The following DIAPH2 variants were observed in gnomAD, a reference collection of about 807,000 sequenced individuals.
The protein encoded by DIAPH2 is protein diaphanous homolog 2.
Under a neutral mutation model 92.7 loss-of-function variants are expected in DIAPH2, and 35 were observed. The observed-to-expected ratio is 0.38, with a 90% CI of 0.29 to 0.50. The LOEUF is 0.50. Among genes scored for constraint, DIAPH2 ranks in the 20% least tolerant of loss-of-function variants. The probability of loss-of-function intolerance (pLI) is 0.94; values close to 1 mark genes in which losing one functional copy is unlikely to be tolerated. For synonymous variants in DIAPH2, 301 were observed against 280.4 expected (o/e 1.07, Z -0.73); for missense variants, 701 against 819.5 (o/e 0.86, Z 1.77).
chrX:97,370,443 G>C (rs1438707541), intron 24 of DIAPH2, among the ~76,000 whole-genome samples: 1 of 111,966 alleles, frequency 8.9e-6, no homozygotes, highest in Non-Finnish European at 1.9e-5. Flanking sequence ...ACTGGAAAAA[G>C]ATTCTTGATT....
At chrX:97,357,564 T>C (rs909476178) in intron 24 of DIAPH2, among the ~76,000 whole-genome samples, 8 of 109,561 alleles carry the variant, frequency 7.3e-5, no homozygotes, top group African/African-American at 2.7e-4. Flanking sequence ...TTCTCTGTGC[T>C]CTCATACCTC....
chrX:96,712,396 A>T (rs900384854), intron 1 of DIAPH2, among the ~76,000 whole-genome samples: 6 of 110,891 alleles, frequency 5.4e-5, no homozygotes, highest in African/African-American at 1.6e-4. Context: ...ATATGTACAT[A>T]ATTAAAGTTA....
chrX:97,088,200 C>T (rs1303957402), intron 19 of DIAPH2, among the ~76,000 whole-genome samples: 1 of 111,924 alleles, frequency 8.9e-6, no homozygotes, highest in Non-Finnish European at 1.9e-5. Flanking sequence ...CATTACGTTA[C>T]TTACATTTGC....
intron 24 of DIAPH2, among the ~76,000 whole-genome samples, chrX:97,359,726 T>C (rs1330676420): frequency 1.8e-5 from 2 of 108,370 alleles, no homozygotes; most frequent in Non-Finnish European, 3.8e-5. Context: ...TACAGGCACC[T>C]GCCACCACGC....
chrX:97,373,182 C>G (rs766431628), intron 24 of DIAPH2, among the ~76,000 whole-genome samples: 6 of 111,477 alleles, frequency 5.4e-5, no homozygotes, highest in South Asian at 3.8e-4. Context: ...TATCGGGCCT[C>G]TGAAACGCTA....
chrX:97,066,036 AAAC>A lies in DIAPH2; in HGVS notation c.2051-6902_2051-6900del, dbSNP rs200262808. Among the ~76,000 whole-genome samples the A allele has an allele frequency of 6.2e-3, 695 of 112,316 alleles. 4 individuals carry two copies. Among genetic ancestry groups the A allele is most frequent in the African/African-American group, 0.022 (669 of 30,740 alleles). ...ATTACAAGAGTCAAAAGTTTAAAAA[AAAC>A]AAAAAGTTTATAATTACTATAAGCT... On this transcript the variant is annotated intron_variant, in intron 17 of 26. Transcript: ENST00000324765.
At chrX:97,555,155 CATT>C (rs2147865696) in intron 26 of DIAPH2, among the ~76,000 whole-genome samples, 1 of 110,591 alleles carries the variant, frequency 9.0e-6, no homozygotes, top group African/African-American at 3.3e-5. Context: ...GTGTCTGCAT[CATT>C]AATATATTTC....
At chrX:97,211,753 T>G (rs1334826021) in intron 22 of DIAPH2, among the ~76,000 whole-genome samples, 4 of 111,563 alleles carry the variant, frequency 3.6e-5, no homozygotes, top group Admixed American at 9.6e-5. Context: ...TACAGCATAT[T>G]AAAGAGCTGC....
chrX:97,514,947 T>G (rs1278938544), intron 26 of DIAPH2, among the ~76,000 whole-genome samples: 1 of 110,710 alleles, frequency 9.0e-6, no homozygotes, highest in Non-Finnish European at 1.9e-5. Flanking sequence ...TCTGCAGAGG[T>G]TACTGCTGTC....
At chrX:97,063,641 T>C (rs2066615430) in intron 17 of DIAPH2, among the ~76,000 whole-genome samples, 2 of 112,114 alleles carry the variant, frequency 1.8e-5, no homozygotes, top group African/African-American at 6.5e-5. Context: ...TAAATGTGTT[T>C]GATTATGTGT....
intron 24 of DIAPH2, among the ~76,000 whole-genome samples, chrX:97,352,688 T>G (rs1165971720): frequency 9.4e-6 from 1 of 106,240 alleles, no homozygotes; most frequent in African/African-American, 3.4e-5. Flanking sequence ...GCTAACACGG[T>G]GAAACCCCGT....
At chrX:97,265,512 C>A (rs1223354887) in intron 23 of DIAPH2, among the ~76,000 whole-genome samples, 1 of 111,456 alleles carries the variant, frequency 9.0e-6, no homozygotes. Flanking sequence ...GACTGGGGAG[C>A]CACTTTAGGT....
At chrX:97,213,011 T>C (rs1437729066) in intron 22 of DIAPH2, among the ~76,000 whole-genome samples, 2 of 111,977 alleles carry the variant, frequency 1.8e-5, no homozygotes, top group Admixed American at 9.5e-5. Flanking sequence ...GAATGGATGA[T>C]ATGTGTAGAA....
At chrX:96,751,402 C>A (rs2064186418) in intron 3 of DIAPH2, among the ~76,000 whole-genome samples, 1 of 106,116 alleles carries the variant, frequency 9.4e-6, no homozygotes, top group Non-Finnish European at 1.9e-5. Flanking sequence ...CGGTGAAACC[C>A]AGTCTCTACT....
chrX:97,574,654 A>G (rs1262023269), intron 26 of DIAPH2, among the ~76,000 whole-genome samples: 1 of 111,858 alleles, frequency 8.9e-6, no homozygotes, highest in Non-Finnish European at 1.9e-5. Context: ...CAATAGGAGA[A>G]CACAGTATAT....
At chrX:97,001,539 G>A (rs1311200209) in intron 17 of DIAPH2, among the ~76,000 whole-genome samples, 2 of 110,701 alleles carry the variant, frequency 1.8e-5, no homozygotes, top group South Asian at 3.9e-4. Flanking sequence ...CCAGCTACTC[G>A]GGTGGCTGAG....
chrX:97,429,916 T>G (rs768132585), intron 26 of DIAPH2, among the ~76,000 whole-genome samples, 171 bp downstream of exon 26: 1 of 111,697 alleles, frequency 9.0e-6, no homozygotes, highest in Non-Finnish European at 1.9e-5. Context: ...TGATTGCAAG[T>G]TTCAACTTGG....
At chrX:97,297,604 C>CTTTTTT (rs11356320) in intron 23 of DIAPH2, among the ~76,000 whole-genome samples, 2 of 72,948 alleles carry the variant, frequency 2.7e-5, no homozygotes, top group Admixed American at 3.2e-4. Flanking sequence ...TTTTAGTGCA[C>CTTTTTT]TTTTTTTTTT....
At chrX:97,291,038 G>C (rs2068585673) in intron 23 of DIAPH2, among the ~76,000 whole-genome samples, 1 of 109,903 alleles carries the variant, frequency 9.1e-6, no homozygotes, top group African/African-American at 3.3e-5. Context: ...GTTGCAGTGA[G>C]CCAAGACCAT....
Sources: gnomAD v4.1 joint callset for allele counts (sites outside exome capture counted in the v4.1 genomes callset) on GRCh38, gnomAD v4.1.1 for gene constraint, MANE v1.5 for transcripts, NCBI Gene and HGNC (gene_info 2026-07-23, HGNC 2026-07-21) for gene names.